Variants in FAM219A observed in about 807,000 individuals in gnomAD.
FAM219A encodes protein FAM219A.
FAM219A carries 7 observed loss-of-function variants against 23.4 expected under a neutral mutation model. The observed-to-expected ratio is 0.30, with a 90% CI of 0.17 to 0.56. The LOEUF (loss-of-function observed/expected upper bound fraction) is 0.56, where lower values mean the gene tolerates loss of function less well. Among genes scored for constraint, FAM219A ranks in the 20% least tolerant of loss-of-function variants. FAM219A has a pLI of 0.92. For synonymous variants in FAM219A, 93 were observed against 99.0 expected, an observed-to-expected ratio of 0.94 and a Z score of 0.36; for missense variants, 166 against 246.9, an observed-to-expected ratio of 0.67 and a Z score of 2.20.
At chr9:34,455,595 T>C (rs1384541890) in intron 1 of FAM219A, among the ~76,000 whole-genome samples, 2 of 151,880 alleles carry the variant, frequency 1.3e-5, no homozygotes, top group African/African-American at 2.4e-5. Context: ...GCCTCCTGAG[T>C]AGCTGGTACT....
intron 1 of FAM219A, among the ~76,000 whole-genome samples, chr9:34,452,229 G>T (rs142926157): frequency 2.7e-4 from 41 of 152,270 alleles, no homozygotes; most frequent in African/African-American, 9.4e-4. Context: ...TGAGGCAGAG[G>T]GGGGACAAAT....
At chr9:34,445,023 T>C (rs1564017124) in intron 1 of FAM219A, among the ~76,000 whole-genome samples, 1 of 152,226 alleles carries the variant, frequency 6.6e-6, no homozygotes. Context: ...AAGATGTTAT[T>C]TGAATAATGA....
At chr9:34,403,448 T>G (rs1447801766) in intron 2 of FAM219A, among the ~76,000 whole-genome samples, 1 of 152,178 alleles carries the variant, frequency 6.6e-6, no homozygotes, top group Non-Finnish European at 1.5e-5. Context: ...AAGAAGCCAC[T>G]GAAGGTTATG....
At position 34,401,001 on chromosome 9, in the gene FAM219A, C is replaced by A; in HGVS notation, c.521G>T (p.Cys174Phe). Residue 174 changes from cysteine to phenylalanine, a missense_variant, in exon 6 of 6, where the codon TGC (cysteine) becomes TTC (phenylalanine). By Grantham distance (205) the Cys-to-Phe change is radical. This residue lies in a region of FAM219A where 72 missense variants were observed against 131.0 expected (regional missense o/e 0.55). Coordinates refer to ENST00000651358, the MANE Select transcript of FAM219A (RefSeq NM_001184940.2). ...PKSVNPTCMC[C>F]QATSSTACHI... Reference sequence around the variant, plus strand: ...GCAGGCGGTGGAGGACGTGGCCTGGCAGCACATGCACGTGGGGTTCACGGA... The same window carrying A: ...GCAGGCGGTGGAGGACGTGGCCTGGAAGCACATGCACGTGGGGTTCACGGA... The A allele has an allele frequency of 6.4e-7, 1 of 1,574,336 alleles. No individual in the cohort carries two copies.
Position 34,400,823 on chromosome 9 carries a change from A to T in FAM219A, c.*141T>A. Reference sequence around the variant, plus strand: ...GAGGTACACGTCCTACCATAGGAGGAAGCAATGACTGTTATACGAGGTTGG... The same window carrying T: ...GAGGTACACGTCCTACCATAGGAGGTAGCAATGACTGTTATACGAGGTTGG... On this transcript the variant is annotated 3_prime_UTR_variant, in exon 6 of 6. Transcript: ENST00000651358. 1.2e-6 allele frequency: 1 copy of T among 818,292 alleles called. No individual in the cohort carries two copies. The highest frequency in any genetic ancestry group is 1.8e-6 in the Non-Finnish European group (1 of 558,228). The allele number at this position is 818,292 out of a possible 1,614,324, so 50.7% of individuals were successfully genotyped here.
chr9:34,441,865 A>T (rs1823186793), intron 1 of FAM219A, among the ~76,000 whole-genome samples: 1 of 152,198 alleles, frequency 6.6e-6, no homozygotes, highest in African/African-American at 2.4e-5. Context: ...CTAGGACTAC[A>T]GGTGCATGCC....
intron 1 of FAM219A, among the ~76,000 whole-genome samples, chr9:34,430,523 G>A (rs1822651769): frequency 6.6e-6 from 1 of 150,592 alleles, no homozygotes; most frequent in Non-Finnish European, 1.5e-5. Context: ...TGTAGTCCCA[G>A]CTACTCAGGA....
At chr9:34,412,863 C>T (rs1821872799) in intron 1 of FAM219A, among the ~76,000 whole-genome samples, 1 of 152,022 alleles carries the variant, frequency 6.6e-6, no homozygotes, top group Non-Finnish European at 1.5e-5. Flanking sequence ...GCCCAGATGA[C>T]AAGGGATTTA....
At chr9:34,416,562 G>A (rs906556891) in intron 1 of FAM219A, among the ~76,000 whole-genome samples, 15 of 151,920 alleles carry the variant, frequency 9.9e-5, no homozygotes, top group Non-Finnish European at 1.6e-4. Flanking sequence ...CCAGGAGTTC[G>A]AGACCAGCCT....
chr9:34,402,144 TGGATCA>T (rs1821465345), intron 4 of FAM219A: 1 of 1,455,564 alleles, frequency 6.9e-7, no homozygotes, highest in Admixed American at 2.5e-5. Flanking sequence ...GGACAACCAT[TGGATCA>T]GTTGTCCCAG....
At chr9:34,436,077 T>C (rs1162683339) in intron 1 of FAM219A, among the ~76,000 whole-genome samples, 1 of 152,152 alleles carries the variant, frequency 6.6e-6, no homozygotes, top group African/African-American at 2.4e-5. Flanking sequence ...TGTGCTGGGA[T>C]TACAGGCATG....
intron 1 of FAM219A, among the ~76,000 whole-genome samples, chr9:34,410,589 C>T (rs550592618): frequency 4.6e-5 from 7 of 152,238 alleles, no homozygotes; most frequent in Non-Finnish European, 8.8e-5. Context: ...CTCATAAGTA[C>T]CCAGTAGACA....
intron 1 of FAM219A, among the ~76,000 whole-genome samples, chr9:34,443,212 C>T (rs1185258767): frequency 9.9e-5 from 15 of 152,246 alleles, no homozygotes; most frequent in African/African-American, 2.2e-4. Context: ...TCATATGTTT[C>T]GTGAGCCCTG....
At chr9:34,439,516 T>C (rs1410600619) in intron 1 of FAM219A, among the ~76,000 whole-genome samples, 1 of 152,132 alleles carries the variant, frequency 6.6e-6, no homozygotes, top group African/African-American at 2.4e-5. Context: ...CGTAAAATTA[T>C]AAATGTGAAA....
intron 1 of FAM219A, among the ~76,000 whole-genome samples, chr9:34,434,258 A>C (rs927931740): frequency 3.3e-5 from 5 of 151,506 alleles, no homozygotes; most frequent in South Asian, 2.1e-4. Flanking sequence ...ATTCTTCAGT[A>C]TCTCTCCAAT....
intron 5 of FAM219A, 77 bp from the exon 6 acceptor site, chr9:34,401,199 G>C: frequency 1.3e-6 from 2 of 1,533,802 alleles, no homozygotes; most frequent in Middle Eastern, 1.7e-4. Flanking sequence ...ACTCCAGGCC[G>C]TCTGCGCCCC....
chr9:34,406,083 A>C (rs958476141), intron 1 of FAM219A, 119 bp from the exon 2 acceptor site: 5 of 1,078,084 alleles, frequency 4.6e-6, no homozygotes, highest in East Asian at 2.6e-5. Context: ...TTCACCCCTC[A>C]GAGCAGGCAG....
chr9:34,451,644 T>C (rs1823566742), intron 1 of FAM219A, among the ~76,000 whole-genome samples: 1 of 152,112 alleles, frequency 6.6e-6, no homozygotes, highest in South Asian at 2.1e-4. Context: ...CACTCTGGGC[T>C]ATATAGGCAG....
At chr9:34,423,180 C>T (rs189056176) in intron 1 of FAM219A, among the ~76,000 whole-genome samples, 1 of 151,940 alleles carries the variant, frequency 6.6e-6, no homozygotes, top group Admixed American at 6.6e-5. Context: ...ATAATAAGGC[C>T]CCTGCCCATG....
Sources: allele counts gnomAD v4.1 joint callset (sites outside exome capture counted in the v4.1 genomes callset), GRCh38; gene constraint gnomAD v4.1.1; regional missense constraint gnomAD v4.1.1; transcripts MANE v1.5; gene names NCBI Gene and HGNC (gene_info 2026-07-23, HGNC 2026-07-21).